Variants in BMP2 observed in about 807,000 individuals in gnomAD.
BMP2 encodes the protein bone morphogenetic protein 2A.
BMP2 carries 2 observed loss-of-function variants against 28.8 expected under a neutral mutation model. The ratio of observed to expected loss-of-function variants is 0.07; its 90% CI spans 0.03 to 0.22. BMP2 has a LOEUF of 0.22. Ranked by LOEUF, BMP2 falls within the 10% of genes least tolerant of loss-of-function variation. The probability of loss-of-function intolerance (pLI) is 1.00; values close to 1 mark genes in which losing one functional copy is unlikely to be tolerated. For synonymous variants in BMP2, 218 were observed against 204.3 expected, an observed-to-expected ratio of 1.07 and a Z score of -0.57; for missense variants, 437 against 517.7, an observed-to-expected ratio of 0.84 and a Z score of 1.51.
Position 6,778,457 on chromosome 20 carries a change from C to T in BMP2, c.559C>T (p.Pro187Ser). Residue 187 changes from proline (P) to serine (S), a missense_variant, in exon 3 of 3, where the codon CCC becomes TCC. This residue lies in a region of BMP2 where 363 missense variants were observed against 392.8 expected (regional missense o/e 0.92). Transcript: ENST00000378827. This position sits in a 1 kb window ranked among gnomAD's most constrained non-coding sequence, Gnocchi z 5.0. ...ACCTGCAACAGCCAACTCGAAATTCCCCGTGACCAGACTTTTGGACACCAG... is the reference window on the plus strand; with the variant it reads ...ACCTGCAACAGCCAACTCGAAATTCTCCGTGACCAGACTTTTGGACACCAG... ...IKPATANSKF[P>S]VTRLLDTRLV... 6.2e-7 allele frequency: 1 copy of T among 1,614,118 alleles called. No individual in the cohort carries two copies. Among genetic ancestry groups the T allele is most frequent in the Non-Finnish European group, 8.5e-7 (1 of 1,180,040 alleles).
rs1195062968 is a variant in BMP2, at chr20:6,767,756, C to A, written c.-1127C>A. 1 of 215,756 alleles carries A rather than the reference C, an allele frequency of 4.6e-6. No individual in the cohort carries two copies. The highest frequency in any genetic ancestry group is 1.6e-4 in the South Asian group (1 of 6,240). 13.4% of individuals were successfully genotyped at this position (215,756 alleles called of 1,614,324 possible). On this transcript the variant is annotated 5_prime_UTR_variant, in exon 1 of 3. Transcript: ENST00000378827. Reference sequence around the variant, plus strand: ...TGCGCCCGGCTCGCGCTGCGCTAGTCGCTCCGCTTCCCACACCCCGCCGGG... The same window carrying A: ...TGCGCCCGGCTCGCGCTGCGCTAGTAGCTCCGCTTCCCACACCCCGCCGGG...
chr20:6,770,219 G>T lies in BMP2; in HGVS notation c.93G>T (p.Arg31Ser). 1.3e-6 allele frequency: 2 copies of T among 1,599,118 alleles called. No individual in the cohort carries two copies. The highest frequency in any genetic ancestry group is 1.7e-6 in the Non-Finnish European group (2 of 1,173,728). The change falls in exon 2 of 3, where the codon AGG (arginine) becomes AGT (serine). Residue 31 changes from arginine to serine, a missense_variant. By Grantham distance (110) the Arg-to-Ser change is moderately radical. Transcript: ENST00000378827. The part of the protein sequence containing the change: ...AAGLVPELGR[R>S]KFAAASSGRP... Reference sequence around the variant, plus strand: ...GCCTCGTTCCGGAGCTGGGCCGCAGGAAGTTCGCGGCGGCGTCGTCGGGCC... The same window carrying T: ...GCCTCGTTCCGGAGCTGGGCCGCAGTAAGTTCGCGGCGGCGTCGTCGGGCC...
At chr20:6,770,728 T>C (rs1048623191) in intron 2 of BMP2, among the ~76,000 whole-genome samples, 1 of 152,126 alleles carries the variant, frequency 6.6e-6, no homozygotes, top group African/African-American at 2.4e-5. Context: ...CTGGAAGAAT[T>C]GGAGAGAAAT....
Position 6,778,252 on chromosome 20 carries a change from G to T in BMP2, c.354G>T (p.Leu118Phe). The change falls in exon 3 of 3, where the codon TTG becomes TTT. Residue 118 changes from leucine to phenylalanine, a missense_variant. By Grantham distance (22) the Leu-to-Phe change is conservative (BLOSUM62 0). Transcript: ENST00000378827. The surrounding 1 kb of genome is among the most constrained non-coding windows in gnomAD (Gnocchi z 5.0). ...TVRSFHHEESLEELPETSGKT... is the reference protein window; with the variant it reads ...TVRSFHHEESFEELPETSGKT... ...TTTTCTCTATCAAATTAGAATCTTT[G>T]GAAGAACTACCAGAAACGAGTGGGA... 6.3e-7 allele frequency: 1 copy of T among 1,578,220 alleles called. No homozygotes were observed. Among genetic ancestry groups the T allele is most frequent in the Non-Finnish European group, 8.6e-7 (1 of 1,165,906 alleles).
chr20:6,778,777 G>A lies in BMP2; in HGVS notation c.879G>A (p.Lys293=), dbSNP rs762589848. ...QAKHKQRKRL[K]SSCKRHPLYV... is the part of the protein sequence containing the mutation. ...AACACAAACAGCGGAAACGCCTTAA[G>A]TCCAGCTGTAAGAGACACCCTTTGT... The change falls in exon 3 of 3, where the codon AAG becomes AAA. Residue 293 remains lysine (K), a synonymous_variant. Transcript: ENST00000378827. This position sits in a 1 kb window ranked among gnomAD's most constrained non-coding sequence, Gnocchi z 5.0. 1.2e-6 allele frequency: 2 copies of A among 1,614,174 alleles called. No individual in the cohort carries two copies.
rs938843062 is a variant in BMP2, at chr20:6,770,228, G to C, written c.102G>C (p.Ala34=). ...CGGAGCTGGGCCGCAGGAAGTTCGC[G>C]GCGGCGTCGTCGGGCCGCCCCTCAT... ...LVPELGRRKF[A]AASSGRPSSQ... Residue 34 remains alanine (A), a synonymous_variant, in exon 2 of 3, where the codon GCG becomes GCC. Coordinates refer to ENST00000378827, the MANE Select transcript of BMP2 (RefSeq NM_001200.4). 2 of 1,601,880 alleles carry C rather than the reference G, an allele frequency of 1.2e-6. No individual in the cohort carries two copies. Among genetic ancestry groups the C allele is most frequent in the Non-Finnish European group, 1.7e-6 (2 of 1,174,978 alleles).
At chr20:6,772,502 G>C (rs774075245) in intron 2 of BMP2, among the ~76,000 whole-genome samples, 62 of 152,118 alleles carry the variant, frequency 4.1e-4, no homozygotes, top group Admixed American at 1.7e-3. Flanking sequence ...ATACACCCAG[G>C]ATTTGCTTTT....
chr20:6,768,206 G>A lies in BMP2; in HGVS notation c.-677G>A, dbSNP rs1450468559. ...CTCGCCGGAGAATGCGCCCGAGGACGACGGGGCGCCAGAGCCGCGGTGCTT... is the reference window on the plus strand; with the variant it reads ...CTCGCCGGAGAATGCGCCCGAGGACAACGGGGCGCCAGAGCCGCGGTGCTT... On this transcript the variant is annotated 5_prime_UTR_variant, in exon 1 of 3. Coordinates refer to ENST00000378827, the MANE Select transcript of BMP2 (RefSeq NM_001200.4). 1 of 398,182 alleles carries A rather than the reference G, an allele frequency of 2.5e-6. No individual in the cohort carries two copies. Among genetic ancestry groups the A allele is most frequent in the Admixed American group, 4.4e-5 (1 of 22,720 alleles). The allele number at this position is 398,182 out of a possible 1,614,324, so 24.7% of individuals were successfully genotyped here. A position where few individuals can be genotyped will look rare whatever the true frequency, so the allele number is the denominator to read the frequency against.
At position 6,778,375 on chromosome 20, in the gene BMP2, T is replaced by C. The variant is rs192108769; in HGVS notation, c.477T>C (p.Asp159=). ...ELQVFREQMQ[D]ALGNNSSFHH... is the part of the protein sequence containing the mutation. ...AGGTTTTCCGAGAACAGATGCAAGA[T>C]GCTTTAGGAAACAATAGCAGTTTCC... The change falls in exon 3 of 3, where the codon GAT becomes GAC. Residue 159 remains aspartate (D), a synonymous_variant. Coordinates refer to ENST00000378827, the MANE Select transcript of BMP2 (RefSeq NM_001200.4). The surrounding 1 kb of genome is among the most constrained non-coding windows in gnomAD (Gnocchi z 5.0). The C allele has an allele frequency of 3.7e-6, 6 of 1,614,210 alleles. No homozygotes were observed. The Admixed American group carries it at 1.0e-4, about 27-fold the overall frequency.
Position 6,770,361 on chromosome 20 carries a change from A to T in BMP2, c.235A>T (p.Met79Leu). 2 of 1,613,360 alleles carry T rather than the reference A, an allele frequency of 1.2e-6. No homozygotes were observed. Among genetic ancestry groups the T allele is most frequent in the Non-Finnish European group, 1.7e-6 (2 of 1,179,954 alleles). The change falls in exon 2 of 3, where the codon ATG becomes TTG. Residue 79 changes from methionine to leucine, a missense_variant. Met to Leu is a conservative substitution (Grantham distance 15). Coordinates refer to ENST00000378827, the MANE Select transcript of BMP2 (RefSeq NM_001200.4). Reference sequence around the variant, plus strand: ...CAGGGACGCCGTGGTGCCCCCCTACATGCTAGACCTGTATCGCAGGCACTC... The same window carrying T: ...CAGGGACGCCGTGGTGCCCCCCTACTTGCTAGACCTGTATCGCAGGCACTC... ...PSRDAVVPPYMLDLYRRHSGQ... is the reference protein window; with the variant it reads ...PSRDAVVPPYLLDLYRRHSGQ...
chr20:6,772,434 A>G (rs1485831570), intron 2 of BMP2, among the ~76,000 whole-genome samples: 1 of 152,234 alleles, frequency 6.6e-6, no homozygotes, highest in Non-Finnish European at 1.5e-5. Flanking sequence ...ATTATGACTA[A>G]TATATCATCC....
At chr20:6,768,996 C>A (rs1441177739) in intron 1 of BMP2, 121 bp downstream of exon 1, 2 of 396,396 alleles carry the variant, frequency 5.0e-6, no homozygotes, top group Non-Finnish European at 8.9e-6. Context: ...CTCCAGTCCA[C>A]GTGCAACGGA....
At chr20:6,777,333 T>A (rs1008139900) in intron 2 of BMP2, among the ~76,000 whole-genome samples, 6 of 152,306 alleles carry the variant, frequency 3.9e-5, no homozygotes, top group Middle Eastern at 6.8e-3. Flanking sequence ...ATCATAATCA[T>A]ATTTTTGTAA....
At chr20:6,772,564 T>C (rs944434098) in intron 2 of BMP2, among the ~76,000 whole-genome samples, 3 of 152,228 alleles carry the variant, frequency 2.0e-5, no homozygotes, top group African/African-American at 7.2e-5. Context: ...TGGTAAACCA[T>C]GTGATGAAGG....
chr20:6,768,898 C>T (rs1344789466), intron 1 of BMP2, 23 bp downstream of exon 1: 3 of 171,068 alleles, frequency 1.8e-5, no homozygotes, highest in Non-Finnish European at 3.6e-5. Context: ...GGCCAGGGCC[C>T]GGGGTGGGTG....
chr20:6,770,615 G>A, intron 2 of BMP2, 143 bp downstream of exon 2: 2 of 835,394 alleles, frequency 2.4e-6, no homozygotes, highest in Admixed American at 6.0e-5. Flanking sequence ...TATCGTTTCT[G>A]AATCTGATTT....
In BMP2 at chr20:6,770,606, A is replaced by G. The variant is rs183644955; in HGVS notation, c.346+134A>G. 1.5e-4 allele frequency: 127 copies of G among 865,314 alleles called. No homozygotes were observed. The Middle Eastern group carries it at 2.5e-3, about 17-fold the overall frequency. 53.6% of individuals were successfully genotyped at this position (865,314 alleles called of 1,614,324 possible). ...ACGTTTCCACTCTTGCTTCTGTACT[A>G]TCGTTTCTGAATCTGATTTTAACTC... On this transcript the variant is annotated intron_variant, in intron 2 of 2. Transcript: ENST00000378827.
chr20:6,777,857 A>G (rs1843077261), intron 2 of BMP2, among the ~76,000 whole-genome samples: 1 of 151,834 alleles, frequency 6.6e-6, no homozygotes, highest in African/African-American at 2.4e-5. Flanking sequence ...ATCCTCACTC[A>G]TTAGACCTCT....
chr20:6,777,552 A>G (rs1192510731), intron 2 of BMP2, among the ~76,000 whole-genome samples: 1 of 152,174 alleles, frequency 6.6e-6, no homozygotes, highest in Non-Finnish European at 1.5e-5. Flanking sequence ...TGGGAAAGCT[A>G]TTTCTCTTGA....
Sources: allele counts gnomAD v4.1 joint callset (sites outside exome capture counted in the v4.1 genomes callset), GRCh38; gene constraint gnomAD v4.1.1; regional missense constraint gnomAD v4.1.1; non-coding constraint Gnocchi (gnomAD v3.1); transcripts MANE v1.5; gene names NCBI Gene and HGNC (gene_info 2026-07-23, HGNC 2026-07-21).